The following XKR6 variants were observed in gnomAD, a reference collection of about 807,000 sequenced individuals.
XKR6 encodes XK related 6.
In XKR6, 22 loss-of-function variants were observed where a neutral mutation model predicts 56.7. The observed-to-expected ratio is 0.39, with a 90% CI of 0.28 to 0.55. The LOEUF (loss-of-function observed/expected upper bound fraction) is 0.55, where lower values mean the gene tolerates loss of function less well. Among genes scored for constraint, XKR6 ranks in the 20% least tolerant of loss-of-function variants. XKR6 has a pLI of 0.66. For synonymous variants in XKR6, 524 were observed against 387.8 expected, an observed-to-expected ratio of 1.35 and a Z score of -4.13; for missense variants, 852 against 889.0, an observed-to-expected ratio of 0.96 and a Z score of 0.53.
intron 1 of XKR6, among the ~76,000 whole-genome samples, chr8:10,994,841 T>TC (rs1472927138): frequency 6.6e-6 from 1 of 152,058 alleles, no homozygotes; most frequent in Non-Finnish European, 1.5e-5. Context: ...TCATGAGGCC[T>TC]CCCCCTAAAT....
intron 1 of XKR6, among the ~76,000 whole-genome samples, chr8:11,000,035 T>C (rs1160352018): frequency 6.6e-6 from 1 of 152,146 alleles, no homozygotes; most frequent in Admixed American, 6.5e-5. Context: ...ACTTCAAAAC[T>C]CCACTTTGAG....
At position 11,200,977 on chromosome 8, in the gene XKR6, C is replaced by G. The variant is rs778036807; in HGVS notation, c.363G>C (p.Gln121His). ...SAARPEPPPP[Q>H]VERPWLDCLW... ...GGCAGTCGAGCCACGGCCGCTCCACCTGCGGCGGCGGCGGCTCCGGCCGCG... is the reference window on the plus strand; with the variant it reads ...GGCAGTCGAGCCACGGCCGCTCCACGTGCGGCGGCGGCGGCTCCGGCCGCG... Residue 121 changes from glutamine to histidine, a missense_variant, in exon 1 of 3, where the codon CAG becomes CAC. Physicochemically the swap from Gln to His is conservative, Grantham distance 24. Coordinates refer to ENST00000416569, the MANE Select transcript of XKR6 (RefSeq NM_173683.4). The surrounding 1 kb of genome is among the most constrained non-coding windows in gnomAD (Gnocchi z 6.4). 1 of 1,496,730 alleles carries G rather than the reference C, an allele frequency of 6.7e-7. No individual in the cohort carries two copies. The highest frequency in any genetic ancestry group is 1.3e-5 in the South Asian group (1 of 75,942). The allele number at this position is 1,496,730 out of a possible 1,614,324, so 92.7% of individuals were successfully genotyped here. A position where few individuals can be genotyped will look rare whatever the true frequency, so the allele number is the denominator to read the frequency against.
intron 1 of XKR6, among the ~76,000 whole-genome samples, chr8:10,940,751 C>G (rs532990942): frequency 1.3e-5 from 2 of 152,132 alleles, no homozygotes; most frequent in Non-Finnish European, 2.9e-5. Flanking sequence ...TACGCGACAA[C>G]CAGCTGTACC....
chr8:11,026,823 A>G (rs908419879), intron 1 of XKR6, among the ~76,000 whole-genome samples: 3 of 150,684 alleles, frequency 2.0e-5, no homozygotes, highest in African/African-American at 7.4e-5. Context: ...TAGATGGTCT[A>G]GCCTACTACA....
intron 1 of XKR6, among the ~76,000 whole-genome samples, chr8:11,104,009 C>T (rs927236076): frequency 6.6e-6 from 1 of 152,138 alleles, no homozygotes; most frequent in African/African-American, 2.4e-5. Context: ...AAATATCCCT[C>T]GTACCAATTT....
At chr8:11,090,906 T>G (rs1029080349) in intron 1 of XKR6, among the ~76,000 whole-genome samples, 9 of 100,554 alleles carry the variant, frequency 9.0e-5, no homozygotes, top group African/African-American at 6.1e-4. Context: ...ATGAAATACT[T>G]GCAATCACCC....
intron 2 of XKR6, among the ~76,000 whole-genome samples, chr8:10,923,454 C>G (rs1409340585): frequency 6.6e-6 from 1 of 152,238 alleles, no homozygotes; most frequent in Non-Finnish European, 1.5e-5. Context: ...AGCAGCACAT[C>G]TGGGTTCATA....
chr8:11,042,579 C>T (rs190824945), intron 1 of XKR6, among the ~76,000 whole-genome samples: 23 of 152,308 alleles, frequency 1.5e-4, no homozygotes, highest in African/African-American at 5.5e-4. Context: ...TCCATTAAAC[C>T]TCTTTTTCTT....
chr8:11,193,848 A>G (rs1300104333), intron 1 of XKR6, among the ~76,000 whole-genome samples: 1 of 151,786 alleles, frequency 6.6e-6, no homozygotes. Flanking sequence ...ATCTACCACT[A>G]AAAATTTTAA....
intron 1 of XKR6, among the ~76,000 whole-genome samples, chr8:11,029,744 C>T (rs1249480814): frequency 6.6e-6 from 1 of 152,110 alleles, no homozygotes; most frequent in East Asian, 1.9e-4. Context: ...ACGTCAGTGC[C>T]ATTTCCACTT....
intron 2 of XKR6, among the ~76,000 whole-genome samples, chr8:10,904,982 G>A (rs936343836): frequency 1.3e-5 from 2 of 152,238 alleles, no homozygotes; most frequent in African/African-American, 4.8e-5. Context: ...ACCTAAGCAT[G>A]AGGCAGGACA....
At chr8:11,015,146 G>A (rs1303409316) in intron 1 of XKR6, among the ~76,000 whole-genome samples, 2 of 151,822 alleles carry the variant, frequency 1.3e-5, no homozygotes, top group East Asian at 3.9e-4. Context: ...CGCGTGATAT[G>A]GGTGCCCTGC....
At chr8:11,079,096 G>A (rs1406637557) in intron 1 of XKR6, among the ~76,000 whole-genome samples, 5 of 152,190 alleles carry the variant, frequency 3.3e-5, no homozygotes, top group Admixed American at 3.3e-4. Context: ...AGGCTGTGCA[G>A]GAGAACAGAG....
At chr8:10,957,236 C>T (rs553355442) in intron 1 of XKR6, among the ~76,000 whole-genome samples, 3 of 152,236 alleles carry the variant, frequency 2.0e-5, no homozygotes, top group African/African-American at 7.2e-5. Context: ...CAGGCAGGAG[C>T]CACCTTGCCC....
At chr8:10,904,911 G>T (rs142696841) in intron 2 of XKR6, among the ~76,000 whole-genome samples, 1 of 152,156 alleles carries the variant, frequency 6.6e-6, no homozygotes, top group Non-Finnish European at 1.5e-5. Context: ...CTCTCTGACC[G>T]AGAGCGTCAG....
At chr8:11,197,069 T>C (rs112026933) in intron 1 of XKR6, among the ~76,000 whole-genome samples, 278 of 152,320 alleles carry the variant, frequency 1.8e-3, no homozygotes, top group African/African-American at 6.4e-3. Context: ...GGTGCCATTA[T>C]AAAATGCAAA....
intron 1 of XKR6, among the ~76,000 whole-genome samples, chr8:11,160,931 A>AAG (rs59104590): frequency 6.7e-6 from 1 of 149,336 alleles, no homozygotes; most frequent in Non-Finnish European, 1.5e-5. Context: ...AAAAAAAAAA[A>AAG]GAAAAAAAAA....
intron 1 of XKR6, among the ~76,000 whole-genome samples, chr8:11,075,279 C>G (rs1157782346): frequency 6.6e-6 from 1 of 152,172 alleles, no homozygotes; most frequent in African/African-American, 2.4e-5. Flanking sequence ...GATGGGGCAC[C>G]GACAAAGAGC....
intron 1 of XKR6, among the ~76,000 whole-genome samples, chr8:11,083,027 G>A (rs942848772): frequency 1.1e-4 from 16 of 152,290 alleles, no homozygotes; most frequent in South Asian, 4.1e-4. Context: ...ACAGCACTCC[G>A]TGTGCTTTAG....
Sources: gnomAD v4.1 joint callset for allele counts (sites outside exome capture counted in the v4.1 genomes callset) on GRCh38, gnomAD v4.1.1 for gene constraint, Gnocchi (gnomAD v3.1) non-coding constraint, MANE v1.5 for transcripts, NCBI Gene and HGNC (gene_info 2026-07-23, HGNC 2026-07-21) for gene names.